Variants in COL1A2 observed in about 807,000 individuals in gnomAD.
The protein encoded by COL1A2 is collagen type I alpha 2 chain, also known as collagen alpha-2(I) chain.
Under a neutral mutation model 174.3 loss-of-function variants are expected in COL1A2, and 49 were observed. That is an observed-to-expected ratio of 0.28 (90% CI 0.22 to 0.36). COL1A2 has a LOEUF of 0.36. Among genes scored for constraint, COL1A2 ranks in the 10% least tolerant of loss-of-function variants. COL1A2 has a pLI of 1.00. For missense variants in COL1A2, 1,438 were observed against 1,822.7 expected (o/e 0.79, Z 3.84); for synonymous variants, 655 against 606.6 (o/e 1.08, Z -1.17).
rs12666875 is a variant in COL1A2, at chr7:94,427,255, C to A, written c.3227C>A (p.Pro1076His). ...GRTGHPGTVG[P>H]AGIRGPQGHQ... is the part of the protein sequence containing the mutation. ...ACTGGACATCCTGGTACAGTTGGAC[C>A]TGCTGGCATTCGAGGCCCTCAGGGT... The change falls in exon 48 of 52, where the codon CCT (proline) becomes CAT (histidine). Residue 1076 changes from proline (P) to histidine (H), a missense_variant. Coordinates refer to ENST00000297268, the MANE Select transcript of COL1A2 (RefSeq NM_000089.4). 8 of 1,613,852 alleles carry A rather than the reference C, an allele frequency of 5.0e-6. No individual in the cohort carries two copies. The East Asian group carries it at 1.8e-4, about 36-fold the overall frequency.
chr7:94,419,619 G>A, intron 34 of COL1A2, 68 bp downstream of exon 34: 3 of 1,556,802 alleles, frequency 1.9e-6, no homozygotes, highest in Non-Finnish European at 2.7e-6. Context: ...GTCCCAAAGA[G>A]CCCCAGCAAT....
At position 94,407,722 on chromosome 7, in the gene COL1A2, A is replaced by G. The variant is rs42517; in HGVS notation, c.595-125A>G. The G allele has an allele frequency of 0.24, 188,436 of 795,514 alleles. 24,009 individuals are homozygous for G. The highest frequency in any genetic ancestry group is 0.26 in the East Asian group (9,510 of 36,062). The allele number at this position is 795,514 out of a possible 1,614,324, so 49.3% of individuals were successfully genotyped here. A position where few individuals can be genotyped will look rare whatever the true frequency, so the allele number is the denominator to read the frequency against. ...GTCTGGCATAATTGAAAAACAATCT[A>G]TATGTGTAAGAAATATTATGAAGTA... On this transcript the variant is annotated intron_variant, in intron 12 of 51. Coordinates refer to ENST00000297268, the MANE Select transcript of COL1A2 (RefSeq NM_000089.4).
rs1792328980 is a variant in COL1A2, at chr7:94,428,337, A to G, written c.3571A>G (p.Ile1191Val). The change falls in exon 50 of 52, where the codon ATC (isoleucine) becomes GTC (valine). Residue 1191 changes from isoleucine (I) to valine (V), a missense_variant. This residue lies in a region of COL1A2 where 290 missense variants were observed against 298.1 expected (regional missense o/e 0.97). Coordinates refer to ENST00000297268, the MANE Select transcript of COL1A2 (RefSeq NM_000089.4). Reference sequence around the variant, plus strand: ...TAACCAAGGATGCACTATGGATGCTATCAAAGTATACTGTGATTTCTCTAC... The same window carrying G: ...TAACCAAGGATGCACTATGGATGCTGTCAAAGTATACTGTGATTTCTCTAC... ...DPNQGCTMDA[I>V]KVYCDFSTGE... 13 of 1,614,164 alleles carry G rather than the reference A, an allele frequency of 8.1e-6. No individual in the cohort carries two copies. The highest frequency in any genetic ancestry group is 1.1e-5 in the South Asian group (1 of 91,088).
At chr7:94,396,128 T>G (rs1419089861) in intron 1 of COL1A2, among the ~76,000 whole-genome samples, 1 of 152,134 alleles carries the variant, frequency 6.6e-6, no homozygotes, top group Non-Finnish European at 1.5e-5. Context: ...TGGCCAGACT[T>G]TCATGTCAAC....
intron 49 of COL1A2, 118 bp from the exon 50 acceptor site, chr7:94,428,175 A>T (rs969463405): frequency 1.6e-5 from 15 of 963,736 alleles, no homozygotes; most frequent in Non-Finnish European, 2.3e-5. Context: ...CCTCTTAAAT[A>T]TGGGGTAGAC....
intron 1 of COL1A2, among the ~76,000 whole-genome samples, chr7:94,397,055 T>C (rs1272747418): frequency 6.6e-6 from 1 of 152,104 alleles, no homozygotes; most frequent in African/African-American, 2.4e-5. Context: ...TATACAAAAC[T>C]CTTTCTCCGA....
In COL1A2 at chr7:94,423,009, G is replaced by A. The variant is rs773985005; in HGVS notation, c.2456G>A (p.Arg819His). The A allele has an allele frequency of 1.4e-4, 222 of 1,613,894 alleles. No individual in the cohort carries two copies. The highest frequency in any genetic ancestry group is 2.0e-4 in the East Asian group (9 of 44,884). Residue 819 changes from arginine to histidine, a missense_variant, in exon 40 of 52, where the codon CGT becomes CAT. Arg to His is a conservative substitution (Grantham distance 29). Around this residue, in one of 3 missense-constraint regions of COL1A2, gnomAD observed 867 missense variants for 1,213.7 expected, o/e 0.71. Transcript: ENST00000297268. ...GGTCCTGCTGGGAAAGAAGGGCTTC[G>A]TGGTCCTCGTGGTGACCAAGGTCCA... ...PPGPAGKEGL[R>H]GPRGDQGPVG...
intron 41 of COL1A2, 91 bp from the exon 42 acceptor site, chr7:94,425,026 C>A: frequency 1.8e-6 from 2 of 1,106,352 alleles, no homozygotes; most frequent in Non-Finnish European, 2.7e-6. Flanking sequence ...TTCCTTCAAA[C>A]TAGAATCTCC....
At chr7:94,426,786 C>T (rs1326506667) in intron 46 of COL1A2, 3 of 625,950 alleles carry the variant, frequency 4.8e-6, no homozygotes, top group Non-Finnish European at 8.4e-6. Flanking sequence ...TTAAAATAAA[C>T]ATAATTAGAG....
chr7:94,395,068 C>T lies in COL1A2; in HGVS notation c.37C>T (p.Leu13Phe). The T allele has an allele frequency of 6.2e-7, 1 of 1,614,056 alleles. No individual in the cohort carries two copies. Among genetic ancestry groups the T allele is most frequent in the Non-Finnish European group, 8.5e-7 (1 of 1,179,994 alleles). ...SFVDTRTLLL[L>F]AVTLCLATCQ... ...TGTGGATACGCGGACTTTGTTGCTGCTTGCAGTAACCTTATGCCTAGCAAC... is the reference window on the plus strand; with the variant it reads ...TGTGGATACGCGGACTTTGTTGCTGTTTGCAGTAACCTTATGCCTAGCAAC... The change falls in exon 1 of 52, where the codon CTT becomes TTT. Residue 13 changes from leucine (L) to phenylalanine (F), a missense_variant. Leu to Phe is a conservative substitution (Grantham distance 22). Transcript: ENST00000297268.
intron 5 of COL1A2, among the ~76,000 whole-genome samples, chr7:94,401,134 C>A (rs1424355853): frequency 1.3e-5 from 2 of 152,174 alleles, no homozygotes; most frequent in Non-Finnish European, 2.9e-5. Flanking sequence ...AGAAAAAGAT[C>A]TCTTAGTCAT....
At chr7:94,397,683 A>T in intron 1 of COL1A2, 65 bp from the exon 2 acceptor site, 1 of 875,864 alleles carries the variant, frequency 1.1e-6, no homozygotes, top group South Asian at 1.5e-5. Context: ...TTTGTTAATT[A>T]TTGCTATTGA....
intron 29 of COL1A2, 33 bp downstream of exon 29, chr7:94,414,308 A>G (rs1465172938): frequency 6.3e-6 from 10 of 1,592,908 alleles, no homozygotes; most frequent in Non-Finnish European, 8.6e-6. Flanking sequence ...AGTAGTAACT[A>G]CTAAACTTGA....
At chr7:94,398,725 A>G (rs752640706) in intron 3 of COL1A2, among the ~76,000 whole-genome samples, 2 of 152,072 alleles carry the variant, frequency 1.3e-5, no homozygotes, top group Non-Finnish European at 2.9e-5. Flanking sequence ...AAGGGCTTTG[A>G]CTATATAAAT....
At chr7:94,420,752 T>C (rs1792142878) in intron 37 of COL1A2, 104 bp downstream of exon 37, 4 of 1,072,742 alleles carry the variant, frequency 3.7e-6, no homozygotes, top group Non-Finnish European at 5.6e-6. Context: ...ATATACCAGA[T>C]AGAAGATGGA....
intron 40 of COL1A2, chr7:94,423,871 A>G: frequency 5.3e-6 from 1 of 187,970 alleles, no homozygotes; most frequent in Non-Finnish European, 1.1e-5. Flanking sequence ...CTGGGATTAC[A>G]CATGTGAGCC....
intron 6 of COL1A2, among the ~76,000 whole-genome samples, chr7:94,401,950 A>G (rs768453300): frequency 3.3e-5 from 5 of 152,094 alleles, no homozygotes; most frequent in African/African-American, 4.8e-5. Flanking sequence ...TTAAAACAGT[A>G]ATCACTCTGA....
chr7:94,410,592 G>A (rs1171369868), intron 21 of COL1A2, 65 bp downstream of exon 21: 9 of 1,333,146 alleles, frequency 6.8e-6, no homozygotes, highest in African/African-American at 5.8e-5. Flanking sequence ...CCTTCACTGG[G>A]AATTGGTCAA....
intron 1 of COL1A2, chr7:94,395,360 C>CT (rs1362049991): frequency 1.9e-6 from 1 of 531,206 alleles, no homozygotes; most frequent in Non-Finnish European, 3.5e-6. Context: ...GGCTCCTCAG[C>CT]TTAGTAACCC....
Sources: allele counts gnomAD v4.1 joint callset (sites outside exome capture counted in the v4.1 genomes callset), GRCh38; gene constraint gnomAD v4.1.1; regional missense constraint gnomAD v4.1.1; transcripts MANE v1.5; gene names NCBI Gene and HGNC (gene_info 2026-07-23, HGNC 2026-07-21).